TMEM132D: variants seen among roughly 807,000 people sequenced by gnomAD.
TMEM132D encodes the protein mature OL transmembrane protein.
In TMEM132D, 21 loss-of-function variants were observed where a neutral mutation model predicts 62.3. The ratio of observed to expected loss-of-function variants is 0.34; its 90% CI spans 0.24 to 0.49. The LOEUF is 0.49. Among genes scored for constraint, TMEM132D ranks in the 20% least tolerant of loss-of-function variants. The pLI, the probability that TMEM132D is intolerant of heterozygous loss-of-function variation, is 0.99. For synonymous variants in TMEM132D, 621 were observed against 575.6 expected (o/e 1.08, Z -1.13); for missense variants, 1,346 against 1,402.8 (o/e 0.96, Z 0.65).
At chr12:129,288,915 C>G (rs1304327710) in intron 4 of TMEM132D, among the ~76,000 whole-genome samples, 1 of 152,168 alleles carries the variant, frequency 6.6e-6, no homozygotes, top group East Asian at 1.9e-4. Context: ...GAATAAAATT[C>G]TGCAACATGT....
intron 4 of TMEM132D, among the ~76,000 whole-genome samples, chr12:129,285,539 A>AG (rs1555244566): frequency 1.1e-5 from 1 of 90,028 alleles, no homozygotes; most frequent in Non-Finnish European, 2.1e-5. Flanking sequence ...AAAAAAAAAA[A>AG]AGAGAGAGAG....
intron 4 of TMEM132D, among the ~76,000 whole-genome samples, chr12:129,244,285 C>G (rs916816516): frequency 6.7e-6 from 1 of 149,906 alleles, no homozygotes; most frequent in Non-Finnish European, 1.5e-5. Flanking sequence ...ACTCGGGAGG[C>G]TGAGGCAGGA....
intron 4 of TMEM132D, among the ~76,000 whole-genome samples, chr12:129,284,272 C>T (rs147874018): frequency 5.9e-5 from 9 of 152,374 alleles, no homozygotes; most frequent in Admixed American, 1.3e-4. Context: ...AGGGACATTT[C>T]GGTCTAATAT....
chr12:129,183,761 G>A (rs1298902192), intron 5 of TMEM132D, among the ~76,000 whole-genome samples: 3 of 152,094 alleles, frequency 2.0e-5, no homozygotes, highest in Non-Finnish European at 2.9e-5. Context: ...CTTGGGTAGG[G>A]ACACGGATGA....
At chr12:129,569,910 T>C (rs1877464544) in intron 2 of TMEM132D, among the ~76,000 whole-genome samples, 1 of 152,186 alleles carries the variant, frequency 6.6e-6, no homozygotes, top group African/African-American at 2.4e-5. Flanking sequence ...TTAGTTGAAA[T>C]GGACGTATCC....
chr12:129,343,952 G>C (rs1869601709), intron 3 of TMEM132D, among the ~76,000 whole-genome samples: 1 of 151,910 alleles, frequency 6.6e-6, no homozygotes. Context: ...AATGAAGAAA[G>C]ATAATAATAT....
intron 1 of TMEM132D, among the ~76,000 whole-genome samples, chr12:129,843,881 G>A (rs978993283): frequency 6.7e-6 from 1 of 149,576 alleles, no homozygotes; most frequent in Non-Finnish European, 1.5e-5. Context: ...TTGAGCCCAG[G>A]AGTTCAGGGC....
At chr12:129,879,106 C>T (rs1874517899) in intron 1 of TMEM132D, among the ~76,000 whole-genome samples, 1 of 152,160 alleles carries the variant, frequency 6.6e-6, no homozygotes, top group Non-Finnish European at 1.5e-5. Flanking sequence ...GTCTATTTTC[C>T]TTGTTAGGCC....
Position 129,531,072 on chromosome 12 carries a change from C to T in TMEM132D, c.1102G>A (p.Gly368Ser), listed in dbSNP as rs760922461. 5.6e-6 allele frequency: 9 copies of T among 1,612,674 alleles called. No individual in the cohort carries two copies. The East Asian group carries it at 1.6e-4, about 28-fold the overall frequency. The change falls in exon 3 of 9, where the codon GGC becomes AGC. Residue 368 changes from glycine (G) to serine (S), a missense_variant. Gly to Ser is a moderately conservative substitution (Grantham distance 56). Transcript: ENST00000422113. ...GTTGGGACTCACCTGTTTTCTGAGC[C>T]AGCTGCTTTCTTCTGACAAACGATG... ...AVIVCQKKAA[G>S]SENSADGASY...
chr12:129,511,931 C>T (rs1236581684), intron 3 of TMEM132D, among the ~76,000 whole-genome samples: 1 of 152,174 alleles, frequency 6.6e-6, no homozygotes, highest in Non-Finnish European at 1.5e-5. Flanking sequence ...TAATGTCACA[C>T]AGCTGTTAAA....
chr12:129,473,586 C>T (rs925634931), intron 3 of TMEM132D, among the ~76,000 whole-genome samples: 2 of 152,228 alleles, frequency 1.3e-5, no homozygotes, highest in South Asian at 2.1e-4. Flanking sequence ...CCGCCTCGGC[C>T]TCCCAAAATT....
chr12:129,518,652 T>C (rs1875754279), intron 3 of TMEM132D, among the ~76,000 whole-genome samples: 1 of 152,024 alleles, frequency 6.6e-6, no homozygotes, highest in African/African-American at 2.4e-5. Flanking sequence ...ATATGTTTTA[T>C]TTCATGCCTT....
In TMEM132D at chr12:129,560,329, G is replaced by A. The variant is rs375801271; in HGVS notation, c.969-29124C>T. ...CTGTCACCCAGGCTGGAGTGCAGTGGCACGATCTCGGCTCACCACAACCTC... is the reference window on the plus strand; with the variant it reads ...CTGTCACCCAGGCTGGAGTGCAGTGACACGATCTCGGCTCACCACAACCTC... On this transcript the variant is annotated intron_variant, in intron 2 of 8. Transcript: ENST00000422113. Among the ~76,000 whole-genome samples, 12 of 150,538 alleles carry A rather than the reference G, an allele frequency of 8.0e-5. 1 individual carries two copies. The highest frequency in any genetic ancestry group is 6.6e-4 in the Admixed American group (10 of 15,142).
At chr12:129,289,236 AAGG>A (rs1881381105) in intron 4 of TMEM132D, among the ~76,000 whole-genome samples, 1 of 152,182 alleles carries the variant, frequency 6.6e-6, no homozygotes, top group African/African-American at 2.4e-5. Flanking sequence ...TTTTGTTAAA[AAGG>A]TAGAACTAAT....
intron 5 of TMEM132D, among the ~76,000 whole-genome samples, chr12:129,092,198 A>G (rs1229871827): frequency 6.6e-6 from 1 of 152,096 alleles, no homozygotes; most frequent in East Asian, 1.9e-4. Context: ...ATGTGAATTT[A>G]ATGCCATTTC....
rs558609881 is a variant in TMEM132D at position 129,699,046 on chromosome 12, C to T, written c.968+764G>A. Among the ~76,000 whole-genome samples, 45 of 152,276 alleles carry T rather than the reference C, an allele frequency of 3.0e-4. 2 individuals are homozygous for T. In the South Asian group the frequency reaches 8.9e-3, roughly 30 times the overall value. On this transcript the variant is annotated intron_variant, in intron 2 of 8. Coordinates refer to ENST00000422113, the MANE Select transcript of TMEM132D (RefSeq NM_133448.3). ...CATTTTTAATAACCCAAAAACACTT[C>T]TACTAAACAGCTGTTGTAATCAAAC...
At chr12:129,677,044 T>A (rs775222841) in intron 2 of TMEM132D, among the ~76,000 whole-genome samples, 1 of 152,178 alleles carries the variant, frequency 6.6e-6, no homozygotes, top group Non-Finnish European at 1.5e-5. Flanking sequence ...ATAACCGAAG[T>A]CCCTTTATGG....
chr12:129,787,672 G>A lies in TMEM132D; in HGVS notation c.80-86974C>T, dbSNP rs1182190214. ...TGGCAAACCGGGAGAGAATCCCTGA[G>A]TTCATATCAGCTCCCTCCCAAAATT... On this transcript the variant is annotated intron_variant, in intron 1 of 8. Transcript: ENST00000422113. Among the ~76,000 whole-genome samples, 8 of 152,328 alleles carry A rather than the reference G, an allele frequency of 5.3e-5. No individual in the cohort carries two copies. The East Asian group carries it at 1.5e-3, about 29-fold the overall frequency.
intron 5 of TMEM132D, among the ~76,000 whole-genome samples, chr12:129,132,637 G>A (rs1876413629): frequency 6.6e-6 from 1 of 152,202 alleles, no homozygotes; most frequent in South Asian, 2.1e-4. Context: ...TACTCTCAGT[G>A]TGTATGCATT....
Sources: gnomAD v4.1 joint callset for allele counts (sites outside exome capture counted in the v4.1 genomes callset) on GRCh38, gnomAD v4.1.1 for gene constraint, MANE v1.5 for transcripts, NCBI Gene and HGNC (gene_info 2026-07-23, HGNC 2026-07-21) for gene names.